Variants in MARCHF1 observed in about 807,000 individuals in gnomAD.
MARCHF1 encodes E3 ubiquitin-protein ligase MARCHF1.
MARCHF1 carries 40 observed loss-of-function variants against 54.2 expected under a neutral mutation model. The ratio of observed to expected loss-of-function variants is 0.74; its 90% confidence interval spans 0.57 to 0.96. MARCHF1 has a LOEUF of 0.96. Ranked by LOEUF, MARCHF1 falls within the 40% of genes least tolerant of loss-of-function variation. The pLI is 0.00. For missense variants in MARCHF1, 586 were observed against 656.5 expected (o/e 0.89, Z 1.17); for synonymous variants, 236 against 236.3 (o/e 1.00, Z 0.01).
At chr4:163,997,787 A>G (rs949865229) in intron 2 of MARCHF1, among the ~76,000 whole-genome samples, 1 of 151,954 alleles carries the variant, frequency 6.6e-6, no homozygotes, top group Non-Finnish European at 1.5e-5. Flanking sequence ...AGGAGATAAT[A>G]GTTGTTCAAT....
chr4:164,220,769 A>C (rs1279724365), intron 1 of MARCHF1, among the ~76,000 whole-genome samples: 1 of 135,698 alleles, frequency 7.4e-6, no homozygotes, highest in African/African-American at 2.6e-5. Flanking sequence ...TATATATGAT[A>C]TATTTTTTTT....
At chr4:163,959,012 A>C (rs1752286557) in intron 3 of MARCHF1, among the ~76,000 whole-genome samples, 1 of 151,884 alleles carries the variant, frequency 6.6e-6, no homozygotes, top group Admixed American at 6.6e-5. Context: ...ATTTGAAGAA[A>C]AACTGAGGCT....
chr4:164,188,817 C>A (rs55757002), intron 1 of MARCHF1: 345,806 of 805,816 alleles, frequency 0.43, 79,413 homozygotes, highest in Non-Finnish European at 0.49. Flanking sequence ...GAAATTTCTG[C>A]CATGGTTCTC....
intron 4 of MARCHF1, among the ~76,000 whole-genome samples, chr4:163,848,808 C>A (rs541989612): frequency 6.6e-6 from 1 of 151,864 alleles, no homozygotes; most frequent in Admixed American, 6.6e-5. Context: ...ATTTTCAGCT[C>A]AATAAATATA....
At chr4:163,532,159 TAA>T (rs923040650) in intron 9 of MARCHF1, among the ~76,000 whole-genome samples, 1 of 151,520 alleles carries the variant, frequency 6.6e-6, no homozygotes, top group Non-Finnish European at 1.5e-5. Context: ...AGTGGAAGAA[TAA>T]AGTTTTTGAA....
chr4:163,863,922 A>G (rs1340448524), intron 3 of MARCHF1, among the ~76,000 whole-genome samples: 1 of 152,090 alleles, frequency 6.6e-6, no homozygotes, highest in Non-Finnish European at 1.5e-5. Flanking sequence ...AAATAGCTCC[A>G]CAATGACCAA....
chr4:163,818,349 C>A lies in MARCHF1; in HGVS notation c.111+35672G>T, dbSNP rs142447909. On this transcript the variant is annotated intron_variant, in intron 4 of 9. Coordinates refer to ENST00000514618, the MANE Select transcript of MARCHF1 (RefSeq NM_001394959.1). ...CAAGTTCCATGGTGGTTTGCTGCACCTATCAACCCATCACCTAGGTATTAA... is the reference window on the plus strand; with the variant it reads ...CAAGTTCCATGGTGGTTTGCTGCACATATCAACCCATCACCTAGGTATTAA... Among the ~76,000 whole-genome samples the A allele has an allele frequency of 6.5e-3, 983 of 151,920 alleles. 13 individuals carry two copies. The highest frequency in any genetic ancestry group is 0.022 in the African/African-American group (921 of 41,400).
At chr4:163,785,252 G>T (rs1488967336) in intron 4 of MARCHF1, among the ~76,000 whole-genome samples, 1 of 152,028 alleles carries the variant, frequency 6.6e-6, no homozygotes, top group Non-Finnish European at 1.5e-5. Context: ...AGAAAAAAAT[G>T]ACACAAATTG....
At chr4:164,012,249 A>G (rs543575927) in intron 2 of MARCHF1, among the ~76,000 whole-genome samples, 15 of 151,572 alleles carry the variant, frequency 9.9e-5, no homozygotes, top group Non-Finnish European at 2.2e-4. Context: ...TGCCAGTGTC[A>G]CCCCTCCTAC....
At chr4:163,702,087 A>G (rs1364637629) in intron 4 of MARCHF1, among the ~76,000 whole-genome samples, 2 of 152,226 alleles carry the variant, frequency 1.3e-5, no homozygotes, top group African/African-American at 2.4e-5. Context: ...GCTTACAGAT[A>G]TTCCAGCTGA....
chr4:163,952,361 C>T lies in MARCHF1; in HGVS notation c.-39+36140G>A, dbSNP rs60569200. On this transcript the variant is annotated intron_variant, in intron 3 of 9. Transcript: ENST00000514618. ...ATATTTTTATAAAATTTACTCTACACGCTAGTGCAAAGCTTCTATACTAAT... is the reference window on the plus strand; with the variant it reads ...ATATTTTTATAAAATTTACTCTACATGCTAGTGCAAAGCTTCTATACTAAT... 7.2e-3 allele frequency among the ~76,000 whole-genome samples: 1,089 copies of T among 152,244 alleles called. 12 individuals are homozygous for T. The highest frequency in any genetic ancestry group is 0.039 in the East Asian group (202 of 5,178).
At chr4:163,574,702 G>C (rs1241399803) in intron 8 of MARCHF1, among the ~76,000 whole-genome samples, 2 of 152,054 alleles carry the variant, frequency 1.3e-5, no homozygotes, top group African/African-American at 4.8e-5. Context: ...GTACCATGCT[G>C]TTTTGGTTAA....
chr4:163,733,741 G>T (rs989308748), intron 4 of MARCHF1, among the ~76,000 whole-genome samples: 2 of 151,946 alleles, frequency 1.3e-5, no homozygotes, highest in African/African-American at 4.8e-5. Flanking sequence ...GAAGAAATTT[G>T]TAACCTTGGG....
chr4:163,832,058 C>T (rs1382781913), intron 4 of MARCHF1, among the ~76,000 whole-genome samples: 2 of 152,088 alleles, frequency 1.3e-5, no homozygotes, highest in East Asian at 3.8e-4. Context: ...AGTAGATAAA[C>T]AAATTAGGAA....
rs114160147 is a variant in MARCHF1 at position 164,127,884 on chromosome 4, T to C, written c.-322-16222A>G. 2.9e-3 allele frequency among the ~76,000 whole-genome samples: 436 copies of C among 152,020 alleles called. 3 individuals carry two copies. The highest frequency in any genetic ancestry group is 0.01 in the African/African-American group (418 of 41,482). On this transcript the variant is annotated intron_variant, in intron 1 of 9. Transcript: ENST00000514618. ...AAAGTACAAGTGGCAGACACAACAA[T>C]GGAGAATTAGTGAGCACCTCCTGAA...
At chr4:163,980,783 A>G (rs4056327) in intron 3 of MARCHF1, among the ~76,000 whole-genome samples, 98,070 of 152,126 alleles carry the variant, frequency 0.64, 31,764 homozygotes, top group East Asian at 0.89. Context: ...GAAACAGATT[A>G]CTGTATTGGA....
chr4:163,715,767 C>G (rs1745237686), intron 4 of MARCHF1, among the ~76,000 whole-genome samples: 1 of 152,114 alleles, frequency 6.6e-6, no homozygotes, highest in East Asian at 1.9e-4. Context: ...GCTAGTGTAT[C>G]TGCTGAAAAT....
At chr4:163,760,758 T>G (rs1746805469) in intron 4 of MARCHF1, among the ~76,000 whole-genome samples, 1 of 152,210 alleles carries the variant, frequency 6.6e-6, no homozygotes, top group African/African-American at 2.4e-5. Flanking sequence ...CCCTGCGCTC[T>G]TATTTTATGG....
At chr4:164,103,381 C>T in intron 2 of MARCHF1, among the ~76,000 whole-genome samples, 1 of 21,572 alleles carries the variant, frequency 4.6e-5, no homozygotes, top group Non-Finnish European at 1.3e-4. Flanking sequence ...CTCTCCTCAG[C>T]AAATGTAAAA....
Sources: gnomAD v4.1 joint callset for allele counts (sites outside exome capture counted in the v4.1 genomes callset) on GRCh38, gnomAD v4.1.1 for gene constraint, MANE v1.5 for transcripts, NCBI Gene and HGNC (gene_info 2026-07-23, HGNC 2026-07-21) for gene names.